PAGR1: variants seen among roughly 807,000 people sequenced by gnomAD.
The protein encoded by PAGR1 is PAXIP1 associated glutamate rich protein 1.
A neutral mutation model predicts 22.4 loss-of-function variants in PAGR1; 20 were observed. That is an observed-to-expected ratio of 0.89 (90% CI 0.63 to 1.30). PAGR1 has a LOEUF of 1.30. PAGR1 is among the 50% of genes most tolerant of loss of function. PAGR1 has a pLI of 0.00. For synonymous variants in PAGR1, 161 were observed against 148.3 expected (o/e 1.09, Z -0.62); for missense variants, 338 against 343.6 (o/e 0.98, Z 0.13).
chr16:29,817,391 C>G, intron 2 of PAGR1, 99 bp downstream of exon 2: 1 of 1,090,978 alleles, frequency 9.2e-7, no homozygotes, highest in Non-Finnish European at 1.4e-6. Flanking sequence ...CCTCAGCTCC[C>G]ACACAACTTA....
Position 29,816,616 on chromosome 16 carries a change from C to T in PAGR1, c.91C>T (p.Leu31=), listed in dbSNP as rs775253992. Residue 31 remains leucine, a synonymous_variant, in exon 1 of 3, where the codon CTG becomes TTG. Transcript: ENST00000320330. The part of the protein sequence containing the change: ...EGEVTSGLQA[L]AVEDTGGPSA... ...GGAAGTGACCTCCGGCCTCCAGGCT[C>T]TGGCCGTGGAGGATACCGGAGGCCC... 4.6e-6 allele frequency: 7 copies of T among 1,517,804 alleles called. No homozygotes were observed. The highest frequency in any genetic ancestry group is 5.3e-6 in the Non-Finnish European group (6 of 1,136,924). 94.0% of individuals were successfully genotyped at this position (1,517,804 alleles called of 1,614,324 possible). A position where few individuals can be genotyped will look rare whatever the true frequency, so the allele number is the denominator to read the frequency against.
rs528844233 is a variant in PAGR1 at position 29,821,336 on chromosome 16, G to T, written c.*1582G>T. 1 of 152,370 alleles carries T rather than the reference G, an allele frequency of 6.6e-6. No homozygotes were observed. Among genetic ancestry groups the T allele is most frequent in the East Asian group, 1.9e-4 (1 of 5,176 alleles). 9.4% of individuals were successfully genotyped at this position (152,370 alleles called of 1,614,324 possible). ...CCCTTGGCACACAGAGCACTGGGTC[G>T]GCCCTCGGGTGTGGCTGTTTGGGCA... On this transcript the variant is annotated 3_prime_UTR_variant, in exon 3 of 3. Coordinates refer to ENST00000320330, the MANE Select transcript of PAGR1 (RefSeq NM_024516.4).
chr16:29,818,224 A>T (rs80074165), intron 2 of PAGR1: 1 of 152,060 alleles, frequency 6.6e-6, no homozygotes, highest in Non-Finnish European at 1.5e-5. Flanking sequence ...GGAGAGACAG[A>T]GTCTTGCTGT....
Position 29,816,924 on chromosome 16 carries a change from C to T in PAGR1, c.399C>T (p.Pro133=), listed in dbSNP as rs1399521462. 8 of 1,572,464 alleles carry T rather than the reference C, an allele frequency of 5.1e-6. No homozygotes were observed. The highest frequency in any genetic ancestry group is 6.9e-6 in the Non-Finnish European group (8 of 1,160,910). Residue 133 remains proline, a synonymous_variant, in exon 1 of 3, where the codon CCC becomes CCT. Transcript: ENST00000320330. ...GTLELQAEIL[P]RRPPTPEAQS... ...TGGAGCTGCAAGCCGAGATCCTGCC[C>T]CGCCGGCCTCCCACGCCGGAGGCCC... is the stretch of plus-strand genomic sequence containing the variant.
Position 29,819,922 on chromosome 16 carries a change from T to C in PAGR1, c.*168T>C, listed in dbSNP as rs1900326859. The C allele has an allele frequency of 5.5e-6, 4 of 723,582 alleles. No homozygotes were observed. The highest frequency in any genetic ancestry group is 2.2e-6 in the Non-Finnish European group (1 of 451,208). 44.8% of individuals were successfully genotyped at this position (723,582 alleles called of 1,614,324 possible). A position where few individuals can be genotyped will look rare whatever the true frequency, so the allele number is the denominator to read the frequency against. On this transcript the variant is annotated 3_prime_UTR_variant, in exon 3 of 3. Transcript: ENST00000320330. The stretch of plus-strand genomic sequence containing the variant: ...GAGAGTGTGAGTGTGTGTGTGTGTT[T>C]TTTCTATTGAACACCTGTAGAGTGT...
At chr16:29,819,459 TG>T in intron 2 of PAGR1, 95 bp from the exon 3 acceptor site, 1 of 1,326,486 alleles carries the variant, frequency 7.5e-7, no homozygotes, top group Non-Finnish European at 1.1e-6. Context: ...GGGACCTGCA[TG>T]TTTAACCAGC....
chr16:29,819,477 A>G, intron 2 of PAGR1, 78 bp from the exon 3 acceptor site: 2 of 1,475,740 alleles, frequency 1.4e-6, no homozygotes, highest in South Asian at 2.4e-5. Flanking sequence ...CAGCTCCCCA[A>G]GTGATGAGTG....
rs760555503 is a variant in PAGR1, at chr16:29,819,562, A to C, written c.573A>C (p.Ser191=). 1 of 1,614,064 alleles carries C rather than the reference A, an allele frequency of 6.2e-7. No homozygotes were observed. Among genetic ancestry groups the C allele is most frequent in the Non-Finnish European group, 8.5e-7 (1 of 1,180,022 alleles). ...LIDRRRTPGS[S]ARSQKREARL... is the part of the protein sequence containing the mutation. ...TACCTTCCTCTTCTCCAGGAAGCTC[A>C]GCCCGGAGCCAGAAACGGGAGGCCC... is the stretch of plus-strand genomic sequence containing the variant. Residue 191 remains serine, a synonymous_variant, in exon 3 of 3, where the codon TCA becomes TCC. Coordinates refer to ENST00000320330, the MANE Select transcript of PAGR1 (RefSeq NM_024516.4).
In PAGR1 at chr16:29,816,590, G is replaced by T; in HGVS notation, c.65G>T (p.Gly22Val). 6.6e-7 allele frequency: 1 copy of T among 1,515,856 alleles called. No individual in the cohort carries two copies. The highest frequency in any genetic ancestry group is 1.3e-5 in the South Asian group (1 of 75,130). 93.9% of individuals were successfully genotyped at this position (1,515,856 alleles called of 1,614,324 possible). The change falls in exon 1 of 3, where the codon GGG (glycine) becomes GTG (valine). Residue 22 changes from glycine (G) to valine (V), a missense_variant. This residue lies in a region of PAGR1 where 235 missense variants were observed against 216.0 expected (regional missense o/e 1.09). Coordinates refer to ENST00000320330, the MANE Select transcript of PAGR1 (RefSeq NM_024516.4). ...ASTAAPLSEE[G>V]EVTSGLQALA... Reference sequence around the variant, plus strand: ...ACGGCGGCGCCTCTGTCTGAAGAAGGGGAAGTGACCTCCGGCCTCCAGGCT... The same window carrying T: ...ACGGCGGCGCCTCTGTCTGAAGAAGTGGAAGTGACCTCCGGCCTCCAGGCT...
At position 29,821,308 on chromosome 16, in the gene PAGR1, A is replaced by G. The variant is rs2067357612; in HGVS notation, c.*1554A>G. On this transcript the variant is annotated 3_prime_UTR_variant, in exon 3 of 3. Coordinates refer to ENST00000320330, the MANE Select transcript of PAGR1 (RefSeq NM_024516.4). ...GGGGTATCAGGTGGCTCTGCCAGAA[A>G]CTCCCTTGGCACACAGAGCACTGGG... 6.6e-6 allele frequency: 1 copy of G among 151,524 alleles called. No individual in the cohort carries two copies. Among genetic ancestry groups the G allele is most frequent in the Non-Finnish European group, 1.5e-5 (1 of 67,980 alleles). 9.4% of individuals were successfully genotyped at this position (151,524 alleles called of 1,614,324 possible).
Position 29,816,648 on chromosome 16 carries a change from C to T in PAGR1, c.123C>T (p.Ala41=), listed in dbSNP as rs943606661. Residue 41 remains alanine (A), a synonymous_variant, in exon 1 of 3, where the codon GCC becomes GCT. Transcript: ENST00000320330. ...LAVEDTGGPS[A]SAGKAEDEGE... ...TGGAGGATACCGGAGGCCCCTCTGC[C>T]TCGGCCGGTAAGGCCGAGGACGAGG... is the stretch of plus-strand genomic sequence containing the variant. The T allele has an allele frequency of 5.1e-6, 8 of 1,556,514 alleles. No homozygotes were observed. In the Admixed American group the frequency reaches 6.0e-5, roughly 12 times the overall value.
rs1320550597 is a variant in PAGR1 at position 29,817,406 on chromosome 16, T to C, written c.565+114T>C. ...CCTCAGCTCCCACACAACTTACAGC[T>C]GCAGGAGAGAGTATTCACCCAGTAG... is the stretch of plus-strand genomic sequence containing the variant. On this transcript the variant is annotated intron_variant, in intron 2 of 2. Transcript: ENST00000320330. The C allele has an allele frequency of 3.3e-6, 3 of 899,692 alleles. No individual in the cohort carries two copies. In the African/African-American group the frequency reaches 5.0e-5, roughly 15 times the overall value. 55.7% of individuals were successfully genotyped at this position (899,692 alleles called of 1,614,324 possible). A position where few individuals can be genotyped will look rare whatever the true frequency, so the allele number is the denominator to read the frequency against.
intron 2 of PAGR1, 60 bp from the exon 3 acceptor site, chr16:29,819,494 AG>A: frequency 6.4e-7 from 1 of 1,557,270 alleles, no homozygotes; most frequent in Non-Finnish European, 8.8e-7. Flanking sequence ...AGTGAGGTCC[AG>A]GCAGGTATGG....
chr16:29,816,426 G>T lies in PAGR1; in HGVS notation c.-100G>T, dbSNP rs549131680. On this transcript the variant is annotated 5_prime_UTR_variant, in exon 1 of 3. Transcript: ENST00000320330. ...GGAGTCCCCTGCGGGAGCGTGATTG[G>T]CTGGAAACGGTCCCGAACCCCCAGG... 10 of 1,237,350 alleles carry T rather than the reference G, an allele frequency of 8.1e-6. No homozygotes were observed. The highest frequency in any genetic ancestry group is 1.0e-5 in the Non-Finnish European group (10 of 955,918). 76.6% of individuals were successfully genotyped at this position (1,237,350 alleles called of 1,614,324 possible). A position where few individuals can be genotyped will look rare whatever the true frequency, so the allele number is the denominator to read the frequency against.
Position 29,819,997 on chromosome 16 carries a change from T to A in PAGR1, c.*243T>A. Reference sequence around the variant, plus strand: ...CTATAGAGAGAGTGTGTGTGTTTTCTATTGAACATCTATATAGAGAGAGTG... The same window carrying A: ...CTATAGAGAGAGTGTGTGTGTTTTCAATTGAACATCTATATAGAGAGAGTG... On this transcript the variant is annotated 3_prime_UTR_variant, in exon 3 of 3. Transcript: ENST00000320330. 2.0e-6 allele frequency: 1 copy of A among 509,112 alleles called. No individual in the cohort carries two copies. The highest frequency in any genetic ancestry group is 3.1e-5 in the East Asian group (1 of 32,174). The allele number at this position is 509,112 out of a possible 1,614,324, so 31.5% of individuals were successfully genotyped here.
chr16:29,819,152 C>T (rs1230434098), intron 2 of PAGR1, among the ~76,000 whole-genome samples: 5 of 152,124 alleles, frequency 3.3e-5, no homozygotes, highest in South Asian at 2.1e-4. Context: ...CCCACCACCA[C>T]GCCCAGCTAA....
intron 2 of PAGR1, chr16:29,818,621 G>T: frequency 6.6e-6 from 1 of 152,158 alleles, no homozygotes; most frequent in East Asian, 1.9e-4. Flanking sequence ...GAGTGCAGTG[G>T]CATGATCTTG....
intron 2 of PAGR1, 113 bp from the exon 3 acceptor site, chr16:29,819,442 A>AGGC (rs1316214922): frequency 1.9e-6 from 2 of 1,068,852 alleles, no homozygotes; most frequent in Non-Finnish European, 2.8e-6. Context: ...TCCAAGACAG[A>AGGC]GGCCTGGGGA....
In PAGR1 at chr16:29,819,775, A is replaced by G. The variant is rs1900323494; in HGVS notation, c.*21A>G. 2 of 1,598,930 alleles carry G rather than the reference A, an allele frequency of 1.3e-6. No homozygotes were observed. Among genetic ancestry groups the G allele is most frequent in the African/African-American group, 2.7e-5 (2 of 74,680 alleles). ...ACTGATTCCCACTGCTCCTGCCTCT[A>G]GGGTGCAGTGTCCGTACCTGCTGGA... On this transcript the variant is annotated 3_prime_UTR_variant, in exon 3 of 3. Transcript: ENST00000320330.
Sources: allele counts gnomAD v4.1 joint callset (sites outside exome capture counted in the v4.1 genomes callset), GRCh38; gene constraint gnomAD v4.1.1; regional missense constraint gnomAD v4.1.1; transcripts MANE v1.5; gene names NCBI Gene and HGNC (gene_info 2026-07-23, HGNC 2026-07-21).